Variants in SMAD4 observed in about 807,000 individuals in gnomAD.
SMAD4 encodes the protein MAD homolog 4.
SMAD4 carries 7 observed loss-of-function variants against 63.2 expected under a neutral mutation model. That is an observed-to-expected ratio of 0.11 (90% CI 0.06 to 0.21). SMAD4 has a LOEUF of 0.21. SMAD4 is among the 10% of genes least tolerant of loss of function. The pLI is 1.00. For synonymous variants in SMAD4, 215 were observed against 235.4 expected (o/e 0.91, Z 0.79); for missense variants, 312 against 693.8 (o/e 0.45, Z 6.18).
intron 10 of SMAD4, among the ~76,000 whole-genome samples, chr18:51,071,847 C>G (rs1158037794): frequency 6.6e-6 from 1 of 152,200 alleles, no homozygotes; most frequent in Non-Finnish European, 1.5e-5. Flanking sequence ...CTATTCAGGG[C>G]ATTTTATATA....
At chr18:51,061,967 A>AT (rs1256824382) in intron 8 of SMAD4, among the ~76,000 whole-genome samples, 6 of 152,292 alleles carry the variant, frequency 3.9e-5, no homozygotes, top group South Asian at 2.1e-4. Context: ...AGTTTAAGAA[A>AT]TTTGTAGAAT....
At chr18:51,051,386 G>A (rs1384957753) in intron 4 of SMAD4, 1 of 456,058 alleles carries the variant, frequency 2.2e-6, no homozygotes, top group African/African-American at 2.0e-5. Flanking sequence ...GCTCCTTCTA[G>A]ATTTGGACAA....
In SMAD4 at chr18:51,059,064, A is replaced by G. The variant is rs556915095; in HGVS notation, c.904+608A>G. On this transcript the variant is annotated intron_variant, in intron 7 of 11. Transcript: ENST00000342988. ...GAAAAGTATAAATAAGAAAAGCAAA[A>G]TTACCCTGAATCCTGCTACTCAAAA... Among the ~76,000 whole-genome samples the G allele has an allele frequency of 4.6e-5, 7 of 152,280 alleles. No individual in the cohort carries two copies. The South Asian group carries it at 1.5e-3, about 32-fold the overall frequency.
At chr18:51,064,188 ATCTT>A (rs1910090527) in intron 8 of SMAD4, among the ~76,000 whole-genome samples, 1 of 152,166 alleles carries the variant, frequency 6.6e-6, no homozygotes, top group Non-Finnish European at 1.5e-5. Flanking sequence ...ATACAGATAA[ATCTT>A]TCTTTTAAAT....
chr18:51,080,041 C>T lies in SMAD4; in HGVS notation c.*1574C>T. Reference sequence around the variant, plus strand: ...ATCTACAAGATGATAAATAGATTGTCTACAGGATAAATAGTATGAAATAAA... The same window carrying T: ...ATCTACAAGATGATAAATAGATTGTTTACAGGATAAATAGTATGAAATAAA... On this transcript the variant is annotated 3_prime_UTR_variant, in exon 12 of 12. Transcript: ENST00000342988. 1 of 222,340 alleles carries T rather than the reference C, an allele frequency of 4.5e-6. No individual in the cohort carries two copies. Among genetic ancestry groups the T allele is most frequent in the Non-Finnish European group, 8.9e-6 (1 of 111,738 alleles). The allele number at this position is 222,340 out of a possible 1,614,324, so 13.8% of individuals were successfully genotyped here.
chr18:51,066,822 T>C, intron 9 of SMAD4, 197 bp from the exon 10 acceptor site: 1 of 559,548 alleles, frequency 1.8e-6, no homozygotes, highest in Non-Finnish European at 3.2e-6. Context: ...ATAGTAAGTG[T>C]TGTAAATATG....
chr18:51,060,705 A>T (rs1398854332), intron 8 of SMAD4, among the ~76,000 whole-genome samples: 1 of 152,058 alleles, frequency 6.6e-6, no homozygotes, highest in African/African-American at 2.4e-5. Flanking sequence ...ATGATCTCAG[A>T]TTACTACAGC....
intron 10 of SMAD4, among the ~76,000 whole-genome samples, chr18:51,071,820 G>A (rs1215333157): frequency 2.0e-5 from 3 of 152,076 alleles, no homozygotes; most frequent in East Asian, 1.9e-4. Context: ...ACTATTCTAC[G>A]CTCTTTGTAG....
intron 10 of SMAD4, among the ~76,000 whole-genome samples, chr18:51,070,962 C>T (rs1910300147): frequency 6.6e-6 from 1 of 152,050 alleles, no homozygotes. Flanking sequence ...GTAAGTTAAA[C>T]TTCATTATGA....
At chr18:51,048,325 T>C (rs186343031) in intron 2 of SMAD4, among the ~76,000 whole-genome samples, 1 of 152,134 alleles carries the variant, frequency 6.6e-6, no homozygotes, top group Non-Finnish European at 1.5e-5. Flanking sequence ...GCCTGGGTAA[T>C]TTTTTATTAT....
intron 1 of SMAD4, among the ~76,000 whole-genome samples, chr18:51,035,741 G>A (rs528264810): frequency 1.3e-5 from 2 of 152,248 alleles, no homozygotes; most frequent in Admixed American, 1.3e-4. Flanking sequence ...ATCATCTAGG[G>A]CATGTTCAGC....
intron 11 of SMAD4, chr18:51,077,378 C>G: frequency 1.1e-5 from 11 of 985,014 alleles, no homozygotes; most frequent in Non-Finnish European, 1.3e-5. Flanking sequence ...GAAGGCATAA[C>G]TAGTGATTCA....
At position 51,084,009 on chromosome 18, in the gene SMAD4, C is replaced by T. The variant is rs778816929; in HGVS notation, c.*5542C>T. The T allele has an allele frequency of 6.9e-5, 5 of 72,246 alleles. No homozygotes were observed. The Admixed American group carries it at 7.3e-4, about 11-fold the overall frequency. The allele number at this position is 72,246 out of a possible 1,614,324, so 4.5% of individuals were successfully genotyped here. On this transcript the variant is annotated 3_prime_UTR_variant, in exon 12 of 12. Coordinates refer to ENST00000342988, the MANE Select transcript of SMAD4 (RefSeq NM_005359.6). Reference sequence around the variant, plus strand: ...CACTTAACGCGCGTGCGCACGCGCGCGCGCACACACACACACACACACACA... The same window carrying T: ...CACTTAACGCGCGTGCGCACGCGCGTGCGCACACACACACACACACACACA...
At position 51,078,697 on chromosome 18, in the gene SMAD4, A is replaced by G; in HGVS notation, c.*230A>G. The G allele has an allele frequency of 1.9e-6, 1 of 524,218 alleles. No individual in the cohort carries two copies. The highest frequency in any genetic ancestry group is 3.4e-6 in the Non-Finnish European group (1 of 294,674). The allele number at this position is 524,218 out of a possible 1,614,324, so 32.5% of individuals were successfully genotyped here. ...GCTCAGAGCTTGAAGATTAGGAGAA[A>G]CACATTCTTATTAATTCTTCACCTG... On this transcript the variant is annotated 3_prime_UTR_variant, in exon 12 of 12. Transcript: ENST00000342988.
chr18:51,035,445 G>T (rs1219812555), intron 1 of SMAD4, among the ~76,000 whole-genome samples: 1 of 152,118 alleles, frequency 6.6e-6, no homozygotes, highest in Non-Finnish European at 1.5e-5. Flanking sequence ...AGGAGGCTAA[G>T]GCAAGAGGAT....
intron 1 of SMAD4, among the ~76,000 whole-genome samples, chr18:51,032,274 C>G (rs1163765674): frequency 6.6e-6 from 1 of 152,018 alleles, no homozygotes; most frequent in Non-Finnish European, 1.5e-5. Context: ...ATTGCATCTT[C>G]GTTTTTTTTA....
chr18:51,082,402 G>A lies in SMAD4; in HGVS notation c.*3935G>A, dbSNP rs900348177. The A allele has an allele frequency of 2.6e-5, 6 of 228,824 alleles. No homozygotes were observed. The highest frequency in any genetic ancestry group is 3.5e-5 in the Non-Finnish European group (4 of 115,496). 14.2% of individuals were successfully genotyped at this position (228,824 alleles called of 1,614,324 possible). A position where few individuals can be genotyped will look rare whatever the true frequency, so the allele number is the denominator to read the frequency against. On this transcript the variant is annotated 3_prime_UTR_variant, in exon 12 of 12. Coordinates refer to ENST00000342988, the MANE Select transcript of SMAD4 (RefSeq NM_005359.6). Reference sequence around the variant, plus strand: ...CCAAGAAGTATGTAAAAAGTCCATGGCCTTATTCATCCACAAAGTGGCATC... The same window carrying A: ...CCAAGAAGTATGTAAAAAGTCCATGACCTTATTCATCCACAAAGTGGCATC...
At chr18:51,052,602 T>A in intron 4 of SMAD4, 1 of 284,994 alleles carries the variant, frequency 3.5e-6, no homozygotes, top group Non-Finnish European at 7.0e-6. Context: ...AAATATATAC[T>A]ATATGTTTTT....
intron 2 of SMAD4, 106 bp from the exon 3 acceptor site, chr18:51,048,580 T>C: frequency 1.0e-6 from 1 of 976,404 alleles, no homozygotes; most frequent in Admixed American, 2.0e-5. Context: ...ATTTATGAAA[T>C]GGGGATTGTA....
Sources: allele counts gnomAD v4.1 joint callset (sites outside exome capture counted in the v4.1 genomes callset), GRCh38; gene constraint gnomAD v4.1.1; transcripts MANE v1.5; gene names NCBI Gene and HGNC (gene_info 2026-07-23, HGNC 2026-07-21).